The following GALNT10 variants were observed in gnomAD, a reference collection of about 807,000 sequenced individuals.
GALNT10 encodes the protein polypeptide N-acetylgalactosaminyltransferase 10.
GALNT10 carries 41 observed loss-of-function variants against 75.0 expected under a neutral mutation model. The observed-to-expected ratio is 0.55, with a 90% CI of 0.43 to 0.71. The LOEUF (loss-of-function observed/expected upper bound fraction) is 0.71, where lower values mean the gene tolerates loss of function less well. Ranked by LOEUF, GALNT10 falls within the 30% of genes least tolerant of loss-of-function variation. The probability of loss-of-function intolerance (pLI) is 0.00; values close to 1 mark genes in which losing one functional copy is unlikely to be tolerated. For missense variants in GALNT10, 727 were observed against 818.5 expected (o/e 0.89, Z 1.36); for synonymous variants, 302 against 313.0 (o/e 0.96, Z 0.37).
intron 7 of GALNT10, chr5:154,392,605 C>G (rs115179451): frequency 0.036 from 5,435 of 152,246 alleles, 117 homozygotes; most frequent in African/African-American, 0.054. Context: ...TGTGGACAGC[C>G]CTCTGACATA....
chr5:154,405,077 A>T (rs985614129), intron 8 of GALNT10, among the ~76,000 whole-genome samples: 1 of 151,740 alleles, frequency 6.6e-6, no homozygotes, highest in Non-Finnish European at 1.5e-5. Flanking sequence ...GCTGGAAAGG[A>T]CCCCCGCACA....
intron 1 of GALNT10, among the ~76,000 whole-genome samples, chr5:154,223,541 G>A (rs1753014780): frequency 6.6e-6 from 1 of 152,230 alleles, no homozygotes; most frequent in African/African-American, 2.4e-5. Context: ...GTGCCAGAAA[G>A]CACCATGAAG....
chr5:154,323,416 A>G (rs1053183819), intron 3 of GALNT10, among the ~76,000 whole-genome samples: 2 of 152,208 alleles, frequency 1.3e-5, no homozygotes, highest in Admixed American at 1.3e-4. Flanking sequence ...AGGGTCACAC[A>G]AAAACAGGCT....
At chr5:154,321,320 T>TTC (rs386405376) in intron 3 of GALNT10, among the ~76,000 whole-genome samples, 1 of 151,522 alleles carries the variant, frequency 6.6e-6, no homozygotes, top group African/African-American at 2.4e-5. Context: ...CTTTTTTTTT[T>TTC]TCTCCTTGAG....
At chr5:154,397,069 G>A (rs1369071201) in intron 7 of GALNT10, among the ~76,000 whole-genome samples, 1 of 151,502 alleles carries the variant, frequency 6.6e-6, no homozygotes, top group Non-Finnish European at 1.5e-5. Flanking sequence ...GGAGGTTGCA[G>A]TGAACCGAGA....
At chr5:154,193,282 C>G (rs1473927809) in intron 1 of GALNT10, among the ~76,000 whole-genome samples, 1 of 152,210 alleles carries the variant, frequency 6.6e-6, no homozygotes, top group Non-Finnish European at 1.5e-5. Flanking sequence ...ATTCAGCATT[C>G]ATCTGCTGCC....
intron 1 of GALNT10, among the ~76,000 whole-genome samples, chr5:154,210,501 C>T (rs1775180198): frequency 6.6e-6 from 1 of 152,198 alleles, no homozygotes; most frequent in African/African-American, 2.4e-5. Context: ...CCTTCTACCC[C>T]AACCCTCAGC....
chr5:154,212,899 C>T (rs994398515), intron 1 of GALNT10, among the ~76,000 whole-genome samples: 7 of 150,144 alleles, frequency 4.7e-5, no homozygotes, highest in South Asian at 2.1e-4. Flanking sequence ...ACCCGGGAGG[C>T]GGAGCTTGCA....
intron 5 of GALNT10, among the ~76,000 whole-genome samples, chr5:154,377,224 G>A (rs1001856169): frequency 1.3e-5 from 2 of 152,188 alleles, no homozygotes; most frequent in South Asian, 4.1e-4. Context: ...TGAGGAGTTC[G>A]GTTTTGATGA....
At chr5:154,223,680 G>A (rs979601306) in intron 1 of GALNT10, among the ~76,000 whole-genome samples, 20 of 151,926 alleles carry the variant, frequency 1.3e-4, no homozygotes, top group Admixed American at 3.3e-4. Flanking sequence ...AGCACTGTGG[G>A]AGGCTGAGGC....
chr5:154,393,922 A>G (rs1755960252), intron 7 of GALNT10, among the ~76,000 whole-genome samples: 1 of 152,164 alleles, frequency 6.6e-6, no homozygotes, highest in Non-Finnish European at 1.5e-5. Flanking sequence ...ATTCCAGCAC[A>G]TTGTTGGGGC....
chr5:154,234,232 TC>T (rs34414087), intron 1 of GALNT10, among the ~76,000 whole-genome samples: 1 of 152,130 alleles, frequency 6.6e-6, no homozygotes, highest in Admixed American at 6.5e-5. Flanking sequence ...AAAGAGCCTC[TC>T]CTCATCCCCA....
intron 10 of GALNT10, 87 bp from the exon 11 acceptor site, chr5:154,415,696 T>A: frequency 7.9e-7 from 1 of 1,257,892 alleles, no homozygotes; most frequent in Non-Finnish European, 1.1e-6. Context: ...ACCTCTGAGT[T>A]TAAATTTTTC....
chr5:154,223,612 A>G (rs1433283913), intron 1 of GALNT10, among the ~76,000 whole-genome samples: 1 of 152,232 alleles, frequency 6.6e-6, no homozygotes, highest in Non-Finnish European at 1.5e-5. Flanking sequence ...AAGATGACAG[A>G]AAGGGAATAA....
At chr5:154,276,361 C>G (rs1753951412) in intron 1 of GALNT10, among the ~76,000 whole-genome samples, 1 of 152,214 alleles carries the variant, frequency 6.6e-6, no homozygotes, top group African/African-American at 2.4e-5. Flanking sequence ...ACAAAACCAG[C>G]AATGCCATAT....
chr5:154,360,956 C>T (rs1755376401), intron 4 of GALNT10, among the ~76,000 whole-genome samples: 2 of 152,318 alleles, frequency 1.3e-5, no homozygotes, highest in Admixed American at 6.5e-5. Context: ...ATATTTGATA[C>T]TCACACATAC....
intron 1 of GALNT10, among the ~76,000 whole-genome samples, chr5:154,200,286 G>T (rs1775006183): frequency 6.6e-6 from 1 of 152,188 alleles, no homozygotes; most frequent in African/African-American, 2.4e-5. Flanking sequence ...CACGAGCCCA[G>T]TTCGCCAGGG....
intron 3 of GALNT10, among the ~76,000 whole-genome samples, chr5:154,311,211 A>T (rs141277658): frequency 6.6e-6 from 1 of 152,238 alleles, no homozygotes; most frequent in African/African-American, 2.4e-5. Context: ...ATTAATAACA[A>T]CATGTACCAT....
At chr5:154,271,459 T>G (rs1351515921) in intron 1 of GALNT10, among the ~76,000 whole-genome samples, 1 of 151,962 alleles carries the variant, frequency 6.6e-6, no homozygotes, top group East Asian at 1.9e-4. Flanking sequence ...AGGACGAAAC[T>G]CCGTCTCAAA....
Sources: allele counts gnomAD v4.1 joint callset (sites outside exome capture counted in the v4.1 genomes callset), GRCh38; gene constraint gnomAD v4.1.1; transcripts MANE v1.5; gene names NCBI Gene and HGNC (gene_info 2026-07-23, HGNC 2026-07-21).